The following GTF2I variants were observed in gnomAD, a reference collection of about 807,000 sequenced individuals.
GTF2I encodes the protein general transcription factor II-I.
A neutral mutation model predicts 67.6 loss-of-function variants in GTF2I; 12 were observed. That is an observed-to-expected ratio of 0.18 (90% CI 0.11 to 0.29). The LOEUF is 0.29. GTF2I is among the 10% of genes least tolerant of loss of function. The pLI, the probability that GTF2I is intolerant of heterozygous loss-of-function variation, is 1.00. For synonymous variants in GTF2I, 149 were observed against 197.0 expected (o/e 0.76, Z 2.04); for missense variants, 271 against 580.1 (o/e 0.47, Z 5.47).
intron 3 of GTF2I, among the ~76,000 whole-genome samples, chr7:74,693,315 A>G (rs1361737595): frequency 1.7e-4 from 19 of 109,638 alleles, no homozygotes; most frequent in African/African-American, 6.4e-4. Context: ...TTGCTCCGTC[A>G]CCCTGGCTGG....
chr7:74,716,286 A>G (rs142698105), intron 10 of GTF2I, among the ~76,000 whole-genome samples: 26 of 152,224 alleles, frequency 1.7e-4, no homozygotes, highest in African/African-American at 6.3e-4. Context: ...TCATTGCTTT[A>G]TGTTCCAGTT....
intron 1 of GTF2I, among the ~76,000 whole-genome samples, chr7:74,666,491 T>C (rs1450885253): frequency 2.7e-5 from 4 of 150,902 alleles, no homozygotes; most frequent in Admixed American, 1.3e-4. Flanking sequence ...TTAGTGTTAC[T>C]CCTTCCTCCT....
intron 8 of GTF2I, among the ~76,000 whole-genome samples, chr7:74,707,431 A>G (rs1554401709): frequency 2.6e-5 from 4 of 152,222 alleles, no homozygotes; most frequent in East Asian, 3.9e-4. Flanking sequence ...CTTCCTGGGC[A>G]GCCACCTGCC....
At chr7:74,725,486 A>G (rs941519961) in intron 12 of GTF2I, among the ~76,000 whole-genome samples, 7 of 152,038 alleles carry the variant, frequency 4.6e-5, no homozygotes, top group African/African-American at 1.4e-4. Flanking sequence ...CAGGAGTTCA[A>G]GACCAACCTG....
intron 1 of GTF2I, among the ~76,000 whole-genome samples, chr7:74,680,114 A>ATATATATATATATATG (rs1339021361): frequency 8.2e-6 from 1 of 121,474 alleles, no homozygotes; most frequent in African/African-American, 3.3e-5. Context: ...ATATATATAT[A>ATATATATATATATATG]TATGTATGTA....
chr7:74,700,209 C>G, intron 4 of GTF2I, 38 bp from the exon 5 acceptor site: 1 of 1,594,756 alleles, frequency 6.3e-7, no homozygotes, highest in East Asian at 2.2e-5. Flanking sequence ...TGTAATCTTA[C>G]CATTGAATGA....
intron 1 of GTF2I, among the ~76,000 whole-genome samples, chr7:74,664,295 T>A (rs1467115208): frequency 6.6e-6 from 1 of 152,174 alleles, no homozygotes; most frequent in East Asian, 1.9e-4. Flanking sequence ...CTTGTTTTGG[T>A]ATTCCATGCC....
At position 74,718,920 on chromosome 7, in the gene GTF2I, G is replaced by A. The variant is rs1554404092; in HGVS notation, c.922G>A (p.Glu308Lys). ...CCCTTCAGAAACAAGTGAGGACCCT[G>A]AAGTTGAGGTGACTATTGAAGGTTA... ...HVPSETSEDP[E>K]VEVTIEDDDY... Residue 308 changes from glutamate to lysine, a missense_variant, in exon 12 of 35, where the codon GAA becomes AAA. Transcript: ENST00000573035. 1 of 1,571,140 alleles carries A rather than the reference G, an allele frequency of 6.4e-7. No individual in the cohort carries two copies. The highest frequency in any genetic ancestry group is 8.7e-7 in the Non-Finnish European group (1 of 1,152,820).
intron 1 of GTF2I, among the ~76,000 whole-genome samples, chr7:74,674,934 ACTT>A (rs1805766394): frequency 1.3e-5 from 2 of 149,448 alleles, no homozygotes; most frequent in Non-Finnish European, 1.5e-5. Flanking sequence ...GCTCACTGCA[ACTT>A]CTTCCTCCTG....
At chr7:74,678,896 T>C (rs1554393241) in intron 1 of GTF2I, among the ~76,000 whole-genome samples, 2 of 151,172 alleles carry the variant, frequency 1.3e-5, no homozygotes, top group South Asian at 2.1e-4. Context: ...GTCAGCCTCC[T>C]GAGTAGCTGG....
Position 74,706,421 on chromosome 7 carries a change from A to G in GTF2I, c.673A>G (p.Thr225Ala). 1 of 1,613,094 alleles carries G rather than the reference A, an allele frequency of 6.2e-7. No homozygotes were observed. The change falls in exon 8 of 35, where the codon ACA becomes GCA. Residue 225 changes from threonine to alanine, a missense_variant. Thr to Ala is a moderately conservative substitution (Grantham distance 58). Transcript: ENST00000573035. The stretch of plus-strand genomic sequence containing the variant: ...CCCCATCAAAGTGAAAACTGAACCC[A>G]CAGAAGATTCTGGTATGTACTAGCA... ...CGPIKVKTEPTEDSGISLEMA... is the reference protein window; with the variant it reads ...CGPIKVKTEPAEDSGISLEMA...
chr7:74,667,806 C>T (rs1400282734), intron 1 of GTF2I, among the ~76,000 whole-genome samples: 3 of 151,726 alleles, frequency 2.0e-5, no homozygotes, highest in Non-Finnish European at 4.4e-5. Flanking sequence ...ACATGAGCTA[C>T]CACACCCAGC....
chr7:74,684,198 T>C (rs1464851044), intron 1 of GTF2I, among the ~76,000 whole-genome samples: 3 of 152,234 alleles, frequency 2.0e-5, no homozygotes, highest in Non-Finnish European at 4.4e-5. Context: ...GTGCTTATTA[T>C]ACAAGATGGC....
At chr7:74,662,367 T>C (rs1195037118) in intron 1 of GTF2I, among the ~76,000 whole-genome samples, 4 of 150,982 alleles carry the variant, frequency 2.6e-5, no homozygotes, top group African/African-American at 7.3e-5. Context: ...TGCGCCACCA[T>C]GCCTGGCTAA....
chr7:74,666,206 T>C (rs1298767337), intron 1 of GTF2I, among the ~76,000 whole-genome samples: 1 of 152,182 alleles, frequency 6.6e-6, no homozygotes, highest in African/African-American at 2.4e-5. Flanking sequence ...TCATTTTAAT[T>C]TGTTATATCT....
intron 12 of GTF2I, among the ~76,000 whole-genome samples, chr7:74,721,980 G>C (rs1793063027): frequency 6.6e-6 from 1 of 152,112 alleles, no homozygotes; most frequent in Non-Finnish European, 1.5e-5. Flanking sequence ...AAAATAAACT[G>C]AGATATTCCT....
chr7:74,691,416 G>T (rs1788295089), intron 3 of GTF2I, among the ~76,000 whole-genome samples: 1 of 152,130 alleles, frequency 6.6e-6, no homozygotes, highest in South Asian at 2.1e-4. Context: ...ATGTTGGTCA[G>T]GCTGGTCTCA....
intron 8 of GTF2I, among the ~76,000 whole-genome samples, chr7:74,706,686 C>T (rs781803720): frequency 3.9e-4 from 59 of 151,582 alleles, no homozygotes; most frequent in Non-Finnish European, 5.7e-4. Context: ...TTTTTTTTCC[C>T]GTTGTACAGA....
chr7:74,673,077 G>A (rs1386706076), intron 1 of GTF2I, among the ~76,000 whole-genome samples: 2 of 152,084 alleles, frequency 1.3e-5, no homozygotes, highest in Non-Finnish European at 2.9e-5. Flanking sequence ...AGCCAGGATG[G>A]TCTCCATTTC....
Sources: gnomAD v4.1 joint callset for allele counts (sites outside exome capture counted in the v4.1 genomes callset) on GRCh38, gnomAD v4.1.1 for gene constraint, MANE v1.5 for transcripts, NCBI Gene and HGNC (gene_info 2026-07-23, HGNC 2026-07-21) for gene names.